Variants in FBXO27 observed in about 807,000 individuals in gnomAD.
FBXO27 encodes F-box protein 27, also known as F-box only protein 27.
A neutral mutation model predicts 28.3 loss-of-function variants in FBXO27; 28 were observed. The ratio of observed to expected loss-of-function variants is 0.99; its 90% confidence interval spans 0.73 to 1.36. The LOEUF (loss-of-function observed/expected upper bound fraction) is 1.36, where lower values mean the gene tolerates loss of function less well. Among genes scored for constraint, FBXO27 ranks in the 40% most tolerant of loss-of-function variants. The pLI is 0.00. For missense variants in FBXO27, 388 were observed against 394.1 expected (o/e 0.98, Z 0.13); for synonymous variants, 175 against 167.3 (o/e 1.05, Z -0.36).
At position 39,032,007 on chromosome 19, in the gene FBXO27, T is replaced by C; in HGVS notation, c.221A>G (p.Asp74Gly). The change falls in exon 2 of 6, where the codon GAC becomes GGC. Residue 74 changes from aspartate to glycine, a missense_variant. By Grantham distance (94) the Asp-to-Gly change is moderately conservative. Transcript: ENST00000292853. This position sits in a 1 kb window ranked among gnomAD's most constrained non-coding sequence, Gnocchi z 4.7. ...CAGCGCGCGGCCGGTGGCGCCGTGG[T>C]CGCGGGCCAGGATCAGCAGCCACAG... is the stretch of plus-strand genomic sequence containing the variant. Reference protein sequence around the residue: ...QALWLLILARDHGATGRALLH... With the variant: ...QALWLLILARGHGATGRALLH... The C allele has an allele frequency of 6.6e-7, 1 of 1,517,132 alleles. No homozygotes were observed. Among genetic ancestry groups the C allele is most frequent in the Admixed American group, 2.2e-5 (1 of 44,822 alleles). The allele number at this position is 1,517,132 out of a possible 1,614,324, so 94.0% of individuals were successfully genotyped here.
At chr19:39,009,802 T>G (rs8099891) in intron 2 of FBXO27, among the ~76,000 whole-genome samples, 123,373 of 151,782 alleles carry the variant, frequency 0.81, 50,218 homozygotes, top group South Asian at 0.86. Context: ...GGTTTTTTTT[T>G]TTGTTGTTGT....
At chr19:39,027,142 C>T in intron 4 of FBXO27, 137 bp from the exon 5 acceptor site, 1 of 1,081,846 alleles carries the variant, frequency 9.2e-7, no homozygotes, top group East Asian at 2.5e-5. Context: ...ATCTCTGGAC[C>T]TTTGGAATGT....
intron 1 of FBXO27, among the ~76,000 whole-genome samples, chr19:39,017,278 T>C (rs1042111762): frequency 6.6e-6 from 1 of 152,124 alleles, no homozygotes; most frequent in African/African-American, 2.4e-5. Flanking sequence ...AATCCTCCCA[T>C]TGTTGGCAAA....
rs187779059 is a variant in FBXO27, at chr19:39,009,243, A to G, written c.252+5144T>C. On this transcript the variant is annotated intron_variant, in intron 2 of 2. Coordinates refer to the FBXO27 transcript ENST00000598394. ...TTTGTCTCTTATGAATAATGTAGTTATGAACATTTGTGTATAAGATTTTAT... is the reference window on the plus strand; with the variant it reads ...TTTGTCTCTTATGAATAATGTAGTTGTGAACATTTGTGTATAAGATTTTAT... Among the ~76,000 whole-genome samples, 3 of 152,354 alleles carry G rather than the reference A, an allele frequency of 2.0e-5. No individual in the cohort carries two copies. The East Asian group carries it at 5.8e-4, about 29-fold the overall frequency.
intron 2 of FBXO27, among the ~76,000 whole-genome samples, chr19:39,006,793 C>T (rs1293991101): frequency 6.6e-6 from 1 of 151,724 alleles, no homozygotes; most frequent in South Asian, 2.1e-4. Flanking sequence ...GAAATATAAT[C>T]CCAGGCCAGG....
intron 4 of FBXO27, 58 bp downstream of exon 4, chr19:39,030,971 A>G (rs2072898578): frequency 7.0e-7 from 1 of 1,437,462 alleles, no homozygotes; most frequent in South Asian, 1.1e-5. Context: ...ACCCATAAAA[A>G]GGCCATGTCA....
intron 2 of FBXO27, among the ~76,000 whole-genome samples, chr19:39,007,341 G>A (rs1975743277): frequency 6.6e-6 from 1 of 152,154 alleles, no homozygotes; most frequent in South Asian, 2.1e-4. Flanking sequence ...TCTGCCTGAG[G>A]AGTGTGGACA....
At chr19:39,016,695 G>A (rs954290236) in intron 1 of FBXO27, among the ~76,000 whole-genome samples, 2 of 151,586 alleles carry the variant, frequency 1.3e-5, no homozygotes, top group African/African-American at 4.8e-5. Flanking sequence ...TGAGGTGGGA[G>A]GATTGCTTGA....
intron 4 of FBXO27, 123 bp downstream of exon 4, chr19:39,030,906 C>A: frequency 1.2e-6 from 1 of 832,054 alleles, no homozygotes; most frequent in Non-Finnish European, 2.0e-6. Context: ...CCATGGCTGG[C>A]CTGAACTTCA....
In FBXO27 at chr19:39,031,285, C is replaced by A. The variant is rs1241716944; in HGVS notation, c.400G>T (p.Asp134Tyr). 2.5e-6 allele frequency: 4 copies of A among 1,613,942 alleles called. No individual in the cohort carries two copies. The Admixed American group carries it at 6.7e-5, about 27-fold the overall frequency. The change falls in exon 3 of 6, where the codon GAC becomes TAC. Residue 134 changes from aspartate to tyrosine, a missense_variant. Transcript: ENST00000292853. ...LRKWMVQHGG[D>Y]GWVVEENRTT... Reference sequence around the variant, plus strand: ...CTGTTTTCCTCCACCACCCAGCCGTCCCCACCGTGTTGCACCATCCACTTT... The same window carrying A: ...CTGTTTTCCTCCACCACCCAGCCGTACCCACCGTGTTGCACCATCCACTTT...
At chr19:39,028,136 C>T (rs1332317871) in intron 4 of FBXO27, among the ~76,000 whole-genome samples, 1 of 151,684 alleles carries the variant, frequency 6.6e-6, no homozygotes, top group Non-Finnish European at 1.5e-5. Context: ...AGCTACGAGG[C>T]AGGAGAATCG....
At chr19:39,022,525 C>A (rs2072850403), downstream of FBXO27, among the ~76,000 whole-genome samples, 1 of 151,954 alleles carries the variant, frequency 6.6e-6, no homozygotes, top group Non-Finnish European at 1.5e-5. Context: ...TGGCTCACTG[C>A]AACCTCCGCC....
intron 2 of FBXO27, chr19:39,014,306 G>A (rs2072809475): frequency 6.6e-6 from 1 of 152,222 alleles, no homozygotes; most frequent in African/African-American, 2.4e-5. Context: ...TTCTTTGGCA[G>A]CAGCAAAGCC....
chr19:39,016,896 C>A (rs2072822853), intron 1 of FBXO27, among the ~76,000 whole-genome samples: 1 of 151,808 alleles, frequency 6.6e-6, no homozygotes, highest in African/African-American at 2.4e-5. Context: ...TTAACAAGGG[C>A]TTATTAGCAA....
downstream of FBXO27, among the ~76,000 whole-genome samples, chr19:39,020,810 G>C (rs1404450946): frequency 6.7e-6 from 1 of 148,860 alleles, no homozygotes; most frequent in Non-Finnish European, 1.5e-5. Context: ...GGATCTTGGG[G>C]AAATTCAAGA....
chr19:39,013,905 C>T (rs1363326453), intron 2 of FBXO27, among the ~76,000 whole-genome samples: 2 of 148,234 alleles, frequency 1.3e-5, no homozygotes, highest in African/African-American at 2.5e-5. Context: ...CCCAGCTACT[C>T]GGGAGGCTGA....
intron 2 of FBXO27, among the ~76,000 whole-genome samples, chr19:39,011,830 T>C (rs985985861): frequency 9.3e-5 from 4 of 43,058 alleles, no homozygotes; most frequent in African/African-American, 2.1e-4. Flanking sequence ...TTCTTTTCTT[T>C]TTTTTTTTTT....
At chr19:39,011,177 T>A (rs1161382281) in intron 2 of FBXO27, among the ~76,000 whole-genome samples, 3 of 152,238 alleles carry the variant, frequency 2.0e-5, no homozygotes, top group Non-Finnish European at 4.4e-5. Flanking sequence ...ACGCCAGTAA[T>A]CCCAGCACTT....
At chr19:39,018,867 G>GT (rs1447660859) in intron 1 of FBXO27, among the ~76,000 whole-genome samples, 6 of 150,536 alleles carry the variant, frequency 4.0e-5, no homozygotes, top group Admixed American at 2.0e-4. Context: ...CCAGGAGTTC[G>GT]AGACCAGCCT....
Sources: gnomAD v4.1 joint callset for allele counts (sites outside exome capture counted in the v4.1 genomes callset) on GRCh38, gnomAD v4.1.1 for gene constraint, Gnocchi (gnomAD v3.1) non-coding constraint, MANE v1.5 for transcripts, NCBI Gene and HGNC (gene_info 2026-07-23, HGNC 2026-07-21) for gene names.